The following EIF4A3 variants were observed in gnomAD, a reference collection of about 807,000 sequenced individuals.
The protein encoded by EIF4A3 is eukaryotic initiation factor 4A-III.
A neutral mutation model predicts 55.6 loss-of-function variants in EIF4A3; 1 was observed. The ratio of observed to expected loss-of-function variants is 0.02; its 90% CI spans 0.01 to 0.09. The LOEUF (loss-of-function observed/expected upper bound fraction) is 0.09, where lower values mean the gene tolerates loss of function less well. EIF4A3 is among the 10% of genes least tolerant of loss of function. The pLI is 1.00. For missense variants in EIF4A3, 221 were observed against 540.7 expected, an observed-to-expected ratio of 0.41 and a Z score of 5.86; for synonymous variants, 194 against 196.3, an observed-to-expected ratio of 0.99 and a Z score of 0.10.
rs1241147850 is a variant in EIF4A3, at chr17:80,135,902, AAACAAAAAAACCCACAAC to A, written c.1219+84_1219+101del. 5 of 1,503,692 alleles carry A rather than the reference AAACAAAAAAACCCACAAC, an allele frequency of 3.3e-6. No homozygotes were observed. The East Asian group carries it at 1.1e-4, about 34-fold the overall frequency. 93.1% of individuals were successfully genotyped at this position (1,503,692 alleles called of 1,614,324 possible). On this transcript the variant is annotated intron_variant, in intron 11 of 11. Transcript: ENST00000649764. Reference sequence around the variant, plus strand: ...AGAGCGAAACTTCGTCTCAAAAACAAAACAAAAAAACCCACAACAACAAAAAAACAAACTCAGGTGCCC... The same window carrying A: ...AGAGCGAAACTTCGTCTCAAAAACAAAACAAAAAAACAAACTCAGGTGCCC...
At chr17:80,139,829 G>T in intron 5 of EIF4A3, 79 bp from the exon 6 acceptor site, 1 of 1,519,308 alleles carries the variant, frequency 6.6e-7, no homozygotes, top group Non-Finnish European at 9.0e-7. Context: ...AGGCTCCCAA[G>T]AAAGAGCTCA....
At position 80,139,036 on chromosome 17, in the gene EIF4A3, C is replaced by A. The variant is rs11559244; in HGVS notation, c.713G>T (p.Arg238Leu). The A allele has an allele frequency of 1.2e-6, 2 of 1,613,230 alleles. No homozygotes were observed. Among genetic ancestry groups the A allele is most frequent in the Non-Finnish European group, 1.7e-6 (2 of 1,179,568 alleles). Residue 238 changes from arginine to leucine, a missense_variant, in exon 7 of 12, where the codon CGC becomes CTC. Arg to Leu is a moderately radical substitution (Grantham distance 102). This residue lies in a region of EIF4A3 where 93 missense variants were observed against 278.5 expected (regional missense o/e 0.33). Coordinates refer to ENST00000649764, the MANE Select transcript of EIF4A3 (RefSeq NM_014740.4). ...GGGCTCCTACCGTTTCACCAAGATG[C>A]GGATTGGGTCGGTCATGAACTTGTT... ...MTNKFMTDPI[R>L]ILVKRDELTL...
chr17:80,143,194 C>CA (rs2039631733), intron 2 of EIF4A3, among the ~76,000 whole-genome samples: 1 of 152,148 alleles, frequency 6.6e-6, no homozygotes, highest in Non-Finnish European at 1.5e-5. Context: ...TGGCTGAACA[C>CA]AGACAGTGGA....
intron 7 of EIF4A3, 170 bp downstream of exon 7, chr17:80,138,851 C>G: frequency 1.2e-6 from 1 of 851,770 alleles, no homozygotes; most frequent in Middle Eastern, 3.4e-4. Flanking sequence ...AATTTGCATG[C>G]TTTCAATTCC....
chr17:80,136,383 G>GT, intron 9 of EIF4A3, 48 bp from the exon 10 acceptor site: 3 of 1,479,002 alleles, frequency 2.0e-6, no homozygotes, highest in Non-Finnish European at 1.9e-6. Context: ...TCATACAAGT[G>GT]TAAGACTGGA....
At chr17:80,139,971 T>C in intron 5 of EIF4A3, 37 bp downstream of exon 5, 2 of 1,600,874 alleles carry the variant, frequency 1.2e-6, no homozygotes, top group South Asian at 1.1e-5. Flanking sequence ...TTACAAATAC[T>C]ACCGGCAGCA....
chr17:80,145,877 T>C (rs995970494), intron 1 of EIF4A3, among the ~76,000 whole-genome samples: 3 of 152,164 alleles, frequency 2.0e-5, no homozygotes, highest in African/African-American at 7.2e-5. Context: ...GTCAGCTCCC[T>C]GGTACTCCAT....
chr17:80,139,524 T>C (rs2039600575), intron 6 of EIF4A3, 146 bp downstream of exon 6: 2 of 760,564 alleles, frequency 2.6e-6, no homozygotes, highest in South Asian at 1.9e-5. Flanking sequence ...AATTTTTTGT[T>C]CATAATTGCC....
intron 11 of EIF4A3, 100 bp from the exon 12 acceptor site, chr17:80,135,606 A>C (rs565286423): frequency 9.1e-7 from 1 of 1,099,898 alleles, no homozygotes; most frequent in Admixed American, 2.3e-5. Flanking sequence ...TTCTCAAAAC[A>C]AAAAACAGGC....
At chr17:80,141,747 T>G in intron 3 of EIF4A3, 35 bp downstream of exon 3, 1 of 1,573,996 alleles carries the variant, frequency 6.4e-7, no homozygotes, top group South Asian at 1.1e-5. Context: ...TTTCCTAGAA[T>G]TACATAACAG....
chr17:80,135,809 T>C, intron 11 of EIF4A3, 195 bp downstream of exon 11: 1 of 663,354 alleles, frequency 1.5e-6, no homozygotes, highest in Non-Finnish European at 2.5e-6. Context: ...GCAGGAGAAT[T>C]GCTTGAACCC....
Position 80,136,075 on chromosome 17 carries a change from T to C in EIF4A3, c.1148A>G (p.Asn383Ser), listed in dbSNP as rs892982579. 1 of 1,614,200 alleles carries C rather than the reference T, an allele frequency of 6.2e-7. No individual in the cohort carries two copies. Among genetic ancestry groups the C allele is most frequent in the Non-Finnish European group, 8.5e-7 (1 of 1,180,036 alleles). ...ATCTCTGAGGATGCGGATGTCGTCA[T>C]TCTTTACAAAGTTAATGGCCACACC... Reference protein sequence around the residue: ...RKGVAINFVKNDDIRILRDIE... With the variant: ...RKGVAINFVKSDDIRILRDIE... Residue 383 changes from asparagine to serine, a missense_variant, in exon 11 of 12, where the codon AAT becomes AGT. Asn to Ser is a conservative substitution (Grantham distance 46). Around this residue, in one of 4 missense-constraint regions of EIF4A3, gnomAD observed 93 missense variants for 278.5 expected, o/e 0.33. Transcript: ENST00000649764.
In EIF4A3 at chr17:80,136,048, A is replaced by G. The variant is rs1344598019; in HGVS notation, c.1175T>C (p.Ile392Thr). The change falls in exon 11 of 12, where the codon ATC becomes ACC. Residue 392 changes from isoleucine to threonine, a missense_variant. This residue lies in a region of EIF4A3 where 93 missense variants were observed against 278.5 expected (regional missense o/e 0.33). Coordinates refer to ENST00000649764, the MANE Select transcript of EIF4A3 (RefSeq NM_014740.4). Reference sequence around the variant, plus strand: ...AATCTGAGTGGAATAGTACTGCTCGATATCTCTGAGGATGCGGATGTCGTC... The same window carrying G: ...AATCTGAGTGGAATAGTACTGCTCGGTATCTCTGAGGATGCGGATGTCGTC... ...KNDDIRILRDIEQYYSTQIDE... is the reference protein window; with the variant it reads ...KNDDIRILRDTEQYYSTQIDE... The G allele has an allele frequency of 2.4e-5, 38 of 1,614,198 alleles. No individual in the cohort carries two copies. The highest frequency in any genetic ancestry group is 3.1e-5 in the Non-Finnish European group (36 of 1,180,050).
chr17:80,136,625 A>G (rs2039572679), intron 9 of EIF4A3: 1 of 361,840 alleles, frequency 2.8e-6, no homozygotes, highest in Non-Finnish European at 5.0e-6. Flanking sequence ...TCCTAAACCA[A>G]TAATTGGGAA....
rs532549522 is a variant in EIF4A3, at chr17:80,135,633, C to T, written c.1220-127G>A. On this transcript the variant is annotated intron_variant, in intron 11 of 11. Coordinates refer to ENST00000649764, the MANE Select transcript of EIF4A3 (RefSeq NM_014740.4). ...AAAACAGGCCAGACATAGTGGCTCACGCCTGTAATCCCAGCACTTTGGGAG... is the reference window on the plus strand; with the variant it reads ...AAAACAGGCCAGACATAGTGGCTCATGCCTGTAATCCCAGCACTTTGGGAG... 1.2e-4 allele frequency: 101 copies of T among 811,996 alleles called. 2 individuals are homozygous for T. In the South Asian group the frequency reaches 1.3e-3, roughly 10 times the overall value. The allele number at this position is 811,996 out of a possible 1,614,324, so 50.3% of individuals were successfully genotyped here.
rs546806962 is a variant in EIF4A3 at position 80,140,643 on chromosome 17, C to T, written c.373-503G>A. The stretch of plus-strand genomic sequence containing the variant: ...GATTACAGGCGTGAGCCACCACACC[C>T]GGCCTGCTGGTTTCTTATTACAAAA... On this transcript the variant is annotated intron_variant, in intron 4 of 11. Transcript: ENST00000649764. 4.9e-4 allele frequency among the ~76,000 whole-genome samples: 74 copies of T among 152,244 alleles called. 1 individual carries two copies. Among genetic ancestry groups the T allele is most frequent in the South Asian group, 2.7e-3 (13 of 4,828 alleles).
chr17:80,142,061 G>A (rs936791742), intron 2 of EIF4A3, among the ~76,000 whole-genome samples: 8 of 152,166 alleles, frequency 5.3e-5, no homozygotes, highest in African/African-American at 9.7e-5. Flanking sequence ...GCTTCTGCAC[G>A]GGGGCAATGG....
chr17:80,145,965 C>T (rs2039655479), intron 1 of EIF4A3, among the ~76,000 whole-genome samples: 1 of 152,148 alleles, frequency 6.6e-6, no homozygotes, highest in South Asian at 2.1e-4. Context: ...CCTGCCTTGC[C>T]TCGCCTCACC....
intron 8 of EIF4A3, 159 bp from the exon 9 acceptor site, chr17:80,137,660 C>A: frequency 1.6e-6 from 1 of 620,266 alleles, no homozygotes; most frequent in African/African-American, 1.9e-5. Flanking sequence ...AAAACTTTTT[C>A]CCAGAAAATG....
Sources: allele counts gnomAD v4.1 joint callset (sites outside exome capture counted in the v4.1 genomes callset), GRCh38; gene constraint gnomAD v4.1.1; regional missense constraint gnomAD v4.1.1; transcripts MANE v1.5; gene names NCBI Gene and HGNC (gene_info 2026-07-23, HGNC 2026-07-21).